SLC16A9: variants seen among roughly 807,000 people sequenced by gnomAD.
SLC16A9 encodes the protein monocarboxylate transporter 9.
SLC16A9 carries 26 observed loss-of-function variants against 44.3 expected under a neutral mutation model. The observed-to-expected ratio is 0.59, with a 90% CI of 0.43 to 0.81. The LOEUF is 0.81. Among genes scored for constraint, SLC16A9 ranks in the 40% least tolerant of loss-of-function variants. The pLI is 0.00. For synonymous variants in SLC16A9, 230 were observed against 225.1 expected (o/e 1.02, Z -0.19); for missense variants, 559 against 595.8 (o/e 0.94, Z 0.64).
rs549409114 is a variant in SLC16A9 at position 59,696,064 on chromosome 10, G to GCCCTCTC, written c.-36-11744_-36-11738dup. On this transcript the variant is annotated intron_variant, in intron 1 of 5. Transcript: ENST00000395348. The stretch of plus-strand genomic sequence containing the variant: ...CCTGTCTCTACAAAAGATTTTTAAA[G>GCCCTCTC]CCCTCTCCCCTCTCCCCTCTCCCCT... 2.3e-3 allele frequency among the ~76,000 whole-genome samples: 350 copies of GCCCTCTC among 151,862 alleles called. 2 individuals are homozygous for GCCCTCTC. The highest frequency in any genetic ancestry group is 7.3e-3 in the African/African-American group (301 of 41,426).
chr10:59,653,913 G>A lies in SLC16A9; in HGVS notation c.1113C>T (p.Thr371=). The A allele has an allele frequency of 6.2e-7, 1 of 1,614,060 alleles. No homozygotes were observed. Among genetic ancestry groups the A allele is most frequent in the Non-Finnish European group, 8.5e-7 (1 of 1,180,026 alleles). The change falls in exon 5 of 6, where the codon ACC becomes ACT. Residue 371 remains threonine, a synonymous_variant. Transcript: ENST00000395348. ...TTAAGGTAGCAACATAAAGATACAAGGTATTAATCCACTTGAAGTCAGCCA... is the reference window on the plus strand; with the variant it reads ...TTAAGGTAGCAACATAAAGATACAAAGTATTAATCCACTTGAAGTCAGCCA... ...GILADFKWIN[T]LYLYVATLII... is the part of the protein sequence containing the mutation.
chr10:59,675,727 G>A (rs1416059224), intron 2 of SLC16A9, among the ~76,000 whole-genome samples: 1 of 152,146 alleles, frequency 6.6e-6, no homozygotes, highest in Non-Finnish European at 1.5e-5. Flanking sequence ...CACTATGCAC[G>A]TGGTCACCCT....
rs200684224 is a variant in SLC16A9 at position 59,684,268 on chromosome 10, G to A, written c.24C>T (p.Asp8=). Reference sequence around the variant, plus strand: ...ACACAATCACCCAGCCCCATCCACCGTCAGGCGACTTTTTAAGTTCCATTG... The same window carrying A: ...ACACAATCACCCAGCCCCATCCACCATCAGGCGACTTTTTAAGTTCCATTG... The part of the protein sequence containing the change: MELKKSP[D]GGWGWVIVFV... Residue 8 remains aspartate (D), a synonymous_variant, in exon 2 of 6, where the codon GAC becomes GAT. Coordinates refer to ENST00000395348, the MANE Select transcript of SLC16A9 (RefSeq NM_194298.3). 89 of 1,612,912 alleles carry A rather than the reference G, an allele frequency of 5.5e-5. No individual in the cohort carries two copies. The highest frequency in any genetic ancestry group is 3.3e-4 in the East Asian group (15 of 44,838).
intron 1 of SLC16A9, among the ~76,000 whole-genome samples, chr10:59,691,557 A>C (rs1210548327): frequency 6.6e-6 from 1 of 152,200 alleles, no homozygotes; most frequent in Non-Finnish European, 1.5e-5. Flanking sequence ...CCATAAGAAG[A>C]TATCACTATT....
chr10:59,684,629 A>G lies in SLC16A9; in HGVS notation c.-36-302T>C, dbSNP rs999753912. On this transcript the variant is annotated intron_variant, in intron 1 of 5. Coordinates refer to ENST00000395348, the MANE Select transcript of SLC16A9 (RefSeq NM_194298.3). ...CCACCCTGCTCAACCACAGAGAACC[A>G]CTAATTTTAGTTTCTTAGTTTTTAG... is the stretch of plus-strand genomic sequence containing the variant. Among the ~76,000 whole-genome samples, 3 of 152,164 alleles carry G rather than the reference A, an allele frequency of 2.0e-5. No homozygotes were observed. In the South Asian group the frequency reaches 6.2e-4, roughly 32 times the overall value.
chr10:59,667,661 G>A (rs79924488), intron 3 of SLC16A9, among the ~76,000 whole-genome samples: 1 of 152,048 alleles, frequency 6.6e-6, no homozygotes, highest in African/African-American at 2.4e-5. Flanking sequence ...AGAATGTAAA[G>A]GGTTCCAAGA....
chr10:59,651,801 C>T lies in SLC16A9; in HGVS notation c.*971G>A, dbSNP rs1839207603. The T allele has an allele frequency of 6.6e-6, 1 of 151,426 alleles. No homozygotes were observed. The highest frequency in any genetic ancestry group is 6.6e-5 in the Admixed American group (1 of 15,174). The allele number at this position is 151,426 out of a possible 1,614,324, so 9.4% of individuals were successfully genotyped here. A position where few individuals can be genotyped will look rare whatever the true frequency, so the allele number is the denominator to read the frequency against. On this transcript the variant is annotated 3_prime_UTR_variant, in exon 6 of 6. Coordinates refer to ENST00000395348, the MANE Select transcript of SLC16A9 (RefSeq NM_194298.3). ...CACACACACACACTCACGTTTAATTCTGCCCTTGAATTATATTTGATAGTG... is the reference window on the plus strand; with the variant it reads ...CACACACACACACTCACGTTTAATTTTGCCCTTGAATTATATTTGATAGTG...
At chr10:59,663,608 G>T (rs12265041) in intron 4 of SLC16A9, among the ~76,000 whole-genome samples, 8 of 151,806 alleles carry the variant, frequency 5.3e-5, no homozygotes, top group Non-Finnish European at 1.5e-5. Context: ...GGGCCTGTTG[G>T]GGGGTGGGGG....
Position 59,677,628 on chromosome 10 carries a change from C to T in SLC16A9, c.197-4715G>A, listed in dbSNP as rs769923376. The stretch of plus-strand genomic sequence containing the variant: ...AAAAGCACCAAAAGAAAGGTTCAGA[C>T]GGCTTGTTTGGGGATTTCATAAGAG... On this transcript the variant is annotated intron_variant, in intron 2 of 5. Coordinates refer to ENST00000395348, the MANE Select transcript of SLC16A9 (RefSeq NM_194298.3). Among the ~76,000 whole-genome samples the T allele has an allele frequency of 2.5e-4, 38 of 152,214 alleles. 2 individuals carry two copies. Among genetic ancestry groups the T allele is most frequent in the East Asian group, 1.9e-3 (10 of 5,176 alleles).
chr10:59,695,125 T>C (rs1271347635), intron 1 of SLC16A9, among the ~76,000 whole-genome samples: 1 of 151,802 alleles, frequency 6.6e-6, no homozygotes, highest in Non-Finnish European at 1.5e-5. Flanking sequence ...AAACAGAAAG[T>C]AGATTAGTGG....
chr10:59,671,704 A>G (rs1839754446), intron 3 of SLC16A9, among the ~76,000 whole-genome samples: 1 of 152,232 alleles, frequency 6.6e-6, no homozygotes, highest in Non-Finnish European at 1.5e-5. Context: ...CATCAGCGAC[A>G]ATAGCCATAA....
intron 5 of SLC16A9, 88 bp from the exon 6 acceptor site, chr10:59,653,038 G>A: frequency 4.3e-6 from 4 of 932,062 alleles, no homozygotes; most frequent in Non-Finnish European, 6.3e-6. Context: ...TTTATATATA[G>A]TTATAATTAG....
intron 3 of SLC16A9, among the ~76,000 whole-genome samples, chr10:59,668,026 AC>A (rs563622862): frequency 6.6e-4 from 99 of 150,984 alleles, no homozygotes; most frequent in African/African-American, 2.3e-3. Flanking sequence ...TAAATTATCA[AC>A]CTCACTCTCT....
At chr10:59,672,686 A>G in intron 3 of SLC16A9, 84 bp downstream of exon 3, 1 of 1,346,752 alleles carries the variant, frequency 7.4e-7, no homozygotes, top group Non-Finnish European at 1.0e-6. Flanking sequence ...ACTCCTTTAC[A>G]TTAACTGGAT....
chr10:59,689,150 T>A (rs1051899218), intron 1 of SLC16A9, among the ~76,000 whole-genome samples: 2 of 152,182 alleles, frequency 1.3e-5, no homozygotes, highest in Admixed American at 6.5e-5. Flanking sequence ...TCTGTCATCA[T>A]CTCAGAGTTT....
chr10:59,702,416 T>C (rs1564714971), intron 1 of SLC16A9, among the ~76,000 whole-genome samples: 1 of 152,112 alleles, frequency 6.6e-6, no homozygotes, highest in East Asian at 1.9e-4. Context: ...TGTGAAAGGG[T>C]GGGGGCTGAC....
intron 1 of SLC16A9, among the ~76,000 whole-genome samples, chr10:59,701,512 C>A (rs1354605183): frequency 2.0e-5 from 3 of 152,196 alleles, no homozygotes; most frequent in Non-Finnish European, 4.4e-5. Flanking sequence ...ATATCAATGA[C>A]AATCATTCTT....
Position 59,654,386 on chromosome 10 carries a change from A to C in SLC16A9, c.640T>G (p.Tyr214Asp). The C allele has an allele frequency of 6.2e-7, 1 of 1,613,854 alleles. No individual in the cohort carries two copies. Among genetic ancestry groups the C allele is most frequent in the South Asian group, 1.1e-5 (1 of 91,080 alleles). Residue 214 changes from tyrosine (Y) to aspartate (D), a missense_variant, in exon 5 of 6, where the codon TAC becomes GAC. Tyr to Asp is a radical substitution (Grantham distance 160, BLOSUM62 -3). Coordinates refer to ENST00000395348, the MANE Select transcript of SLC16A9 (RefSeq NM_194298.3). ...TCCAGATTCTTTCCTTTTTCATTGT[A>C]AATGGAGTATTTATCTGGTAGATCT... Reference protein sequence around the residue: ...PEDLPDKYSIYNEKGKNLEEN... With the variant: ...PEDLPDKYSIDNEKGKNLEEN...
intron 4 of SLC16A9, among the ~76,000 whole-genome samples, chr10:59,659,421 T>G (rs1027244192): frequency 6.6e-6 from 1 of 152,126 alleles, no homozygotes; most frequent in Non-Finnish European, 1.5e-5. Flanking sequence ...AAGAAGGGCA[T>G]TATATAATGG....
Sources: allele counts gnomAD v4.1 joint callset (sites outside exome capture counted in the v4.1 genomes callset), GRCh38; gene constraint gnomAD v4.1.1; transcripts MANE v1.5; gene names NCBI Gene and HGNC (gene_info 2026-07-23, HGNC 2026-07-21).